Variants in LAMA4 observed in about 807,000 individuals in gnomAD.
The protein encoded by LAMA4 is laminin subunit alpha-4.
LAMA4 carries 127 observed loss-of-function variants against 207.1 expected under a neutral mutation model. The observed-to-expected ratio is 0.61, with a 90% CI of 0.53 to 0.71. LAMA4 has a LOEUF of 0.71. LAMA4 is among the 30% of genes least tolerant of loss of function. The pLI is 0.00. For synonymous variants in LAMA4, 761 were observed against 816.0 expected (o/e 0.93, Z 1.15); for missense variants, 2,093 against 2,246.5 (o/e 0.93, Z 1.38).
At position 112,155,578 on chromosome 6, in the gene LAMA4, T is replaced by C. The variant is rs782731240; in HGVS notation, c.1946A>G (p.Asp649Gly). The change falls in exon 15 of 39, where the codon GAC becomes GGC. Residue 649 changes from aspartate (D) to glycine (G), a missense_variant. Coordinates refer to ENST00000230538, the MANE Select transcript of LAMA4 (RefSeq NM_001105206.3). ...ETAEFALNTT[D>G]RIYDAVSGID... ...GGGAATACTCACATCATAAATTCGG[T>C]CAGTGGTGTTCAAAGCAAATTCTGC... 4 of 1,614,148 alleles carry C rather than the reference T, an allele frequency of 2.5e-6. No individual in the cohort carries two copies. The highest frequency in any genetic ancestry group is 3.4e-6 in the Non-Finnish European group (4 of 1,180,004).
At chr6:112,140,295 G>A (rs569949565) in intron 22 of LAMA4, among the ~76,000 whole-genome samples, 3 of 152,010 alleles carry the variant, frequency 2.0e-5, no homozygotes, top group South Asian at 2.1e-4. Context: ...CATCTTCTTC[G>A]ACCTTTCCTT....
Position 112,172,742 on chromosome 6 carries a change from C to T in LAMA4, c.1420G>A (p.Val474Ile), listed in dbSNP as rs375981026. The T allele has an allele frequency of 3.1e-5, 50 of 1,613,882 alleles. No homozygotes were observed. Among genetic ancestry groups the T allele is most frequent in the African/African-American group, 9.3e-5 (7 of 74,900 alleles). ...HNETRTLFPV[V>I]LEQLDDYNAK... is the part of the protein sequence containing the mutation. ...TTGTAGTCATCCAGCTGCTCCAGGACGACAGGAAACAGAGTGCGGGTCTCA... is the reference window on the plus strand; with the variant it reads ...TTGTAGTCATCCAGCTGCTCCAGGATGACAGGAAACAGAGTGCGGGTCTCA... The change falls in exon 12 of 39, where the codon GTC (valine) becomes ATC (isoleucine). Residue 474 changes from valine to isoleucine, a missense_variant. Val to Ile is a conservative substitution (Grantham distance 29). Around this residue, in one of 3 missense-constraint regions of LAMA4, gnomAD observed 1,704 missense variants for 1,788.4 expected, o/e 0.95. Transcript: ENST00000230538.
At position 112,172,575 on chromosome 6, in the gene LAMA4, A is replaced by G. The variant is rs1241119071; in HGVS notation, c.1551+36T>C. Reference sequence around the variant, plus strand: ...TTCTTGGTGTACCATCACACTGCTGATGCTGAAATGCATTGATGGTGAGTG... The same window carrying G: ...TTCTTGGTGTACCATCACACTGCTGGTGCTGAAATGCATTGATGGTGAGTG... On this transcript the variant is annotated intron_variant, in intron 12 of 38. Transcript: ENST00000230538. 3.1e-6 allele frequency: 5 copies of G among 1,600,218 alleles called. No homozygotes were observed. In the African/African-American group the frequency reaches 6.7e-5, roughly 21 times the overall value.
At chr6:112,167,107 G>A (rs1781424461) in intron 12 of LAMA4, among the ~76,000 whole-genome samples, 1 of 152,206 alleles carries the variant, frequency 6.6e-6, no homozygotes, top group African/African-American at 2.4e-5. Context: ...ATTGCTAGTT[G>A]TATGGCTACT....
intron 5 of LAMA4, among the ~76,000 whole-genome samples, chr6:112,198,025 C>T (rs1783521123): frequency 1.3e-5 from 2 of 152,206 alleles, no homozygotes; most frequent in South Asian, 4.1e-4. Flanking sequence ...TTTCCAAGGA[C>T]AACCAAGGTT....
chr6:112,160,433 G>A (rs781999026), intron 13 of LAMA4, among the ~76,000 whole-genome samples: 19 of 146,444 alleles, frequency 1.3e-4, no homozygotes, highest in Admixed American at 2.7e-4. Flanking sequence ...AGTATCTCCC[G>A]TCAAAAAACA....
At chr6:112,124,730 A>G (rs2114612822) in intron 31 of LAMA4, among the ~76,000 whole-genome samples, 1 of 151,844 alleles carries the variant, frequency 6.6e-6, no homozygotes, top group East Asian at 1.9e-4. Flanking sequence ...AGAAAAAGAC[A>G]GCAATGTGTT....
chr6:112,224,252 T>A (rs1785078488), intron 2 of LAMA4, among the ~76,000 whole-genome samples: 1 of 152,090 alleles, frequency 6.6e-6, no homozygotes, highest in Admixed American at 6.6e-5. Context: ...TCCAAGAATA[T>A]CCTCCCTCCC....
At chr6:112,239,366 T>G (rs993090093) in intron 2 of LAMA4, among the ~76,000 whole-genome samples, 4 of 151,808 alleles carry the variant, frequency 2.6e-5, no homozygotes, top group Non-Finnish European at 5.9e-5. Flanking sequence ...GAGTATTTTT[T>G]ATGGCATTTT....
At position 112,154,945 on chromosome 6, in the gene LAMA4, C is replaced by T. The variant is rs140246538; in HGVS notation, c.1962G>A (p.Ala654=). Reference sequence around the variant, plus strand: ...TGATTTGAGTATCAATCCCACTCACCGCCTACAAAGGAATTGAGAGAAGAG... The same window carrying T: ...TGATTTGAGTATCAATCCCACTCACTGCCTACAAAGGAATTGAGAGAAGAG... ...ALNTTDRIYD[A]VSGIDTQIIY... Residue 654 remains alanine (A), a splice_region_variant and synonymous_variant, in exon 16 of 39, where the codon GCG becomes GCA. Transcript: ENST00000230538. 2.0e-4 allele frequency: 322 copies of T among 1,603,824 alleles called. No individual in the cohort carries two copies. The highest frequency in any genetic ancestry group is 2.5e-4 in the Non-Finnish European group (293 of 1,170,966).
intron 2 of LAMA4, chr6:112,236,368 G>A (rs12206921): frequency 0.26 from 38,950 of 152,068 alleles, 5,915 homozygotes; most frequent in Admixed American, 0.43. Context: ...AATAACCTCC[G>A]GACTGCCTGG....
chr6:112,208,593 T>C (rs2115030234), intron 3 of LAMA4, among the ~76,000 whole-genome samples: 1 of 152,314 alleles, frequency 6.6e-6, no homozygotes, highest in Admixed American at 6.5e-5. Flanking sequence ...ACTTGTTAGT[T>C]TCCATATTAT....
At chr6:112,204,234 A>C (rs1783923940) in intron 4 of LAMA4, among the ~76,000 whole-genome samples, 1 of 152,302 alleles carries the variant, frequency 6.6e-6, no homozygotes, top group East Asian at 1.9e-4. Context: ...ACTGGCACAT[A>C]ATAAGTACTG....
Position 112,139,646 on chromosome 6 carries a change from G to T in LAMA4, c.3110+106C>A, listed in dbSNP as rs1258151430. ...TATGACTTATGTAGTTTCAAAACTGGCTTCCCCAAAGAAAAGTTTGAGAAC... is the reference window on the plus strand; with the variant it reads ...TATGACTTATGTAGTTTCAAAACTGTCTTCCCCAAAGAAAAGTTTGAGAAC... On this transcript the variant is annotated intron_variant, in intron 23 of 38. Coordinates refer to ENST00000230538, the MANE Select transcript of LAMA4 (RefSeq NM_001105206.3). 2.2e-6 allele frequency: 3 copies of T among 1,361,888 alleles called. No homozygotes were observed. In the African/African-American group the frequency reaches 4.3e-5, roughly 19 times the overall value. The allele number at this position is 1,361,888 out of a possible 1,614,324, so 84.4% of individuals were successfully genotyped here.
At chr6:112,153,138 T>A (rs1415992579) in intron 16 of LAMA4, among the ~76,000 whole-genome samples, 1 of 152,096 alleles carries the variant, frequency 6.6e-6, no homozygotes, top group Non-Finnish European at 1.5e-5. Flanking sequence ...CCTGAGATTA[T>A]ATTGACTATC....
chr6:112,185,412 A>C, intron 8 of LAMA4, 65 bp from the exon 9 acceptor site: 1 of 943,436 alleles, frequency 1.1e-6, no homozygotes, highest in Non-Finnish European at 1.8e-6. Flanking sequence ...TGTACATAAA[A>C]CTCTTTCAGT....
intron 37 of LAMA4, 81 bp from the exon 38 acceptor site, chr6:112,114,276 A>C (rs1206384720): frequency 5.0e-6 from 7 of 1,405,840 alleles, no homozygotes; most frequent in Non-Finnish European, 7.1e-6. Context: ...TTATCACAGC[A>C]ATTGCTTTTA....
rs1216719074 is a variant in LAMA4, at chr6:112,118,445, A to G, written c.4822-547T>C. 6.6e-6 allele frequency among the ~76,000 whole-genome samples: 1 copy of G among 152,212 alleles called. No homozygotes were observed. Among genetic ancestry groups the G allele is most frequent in the Non-Finnish European group, 1.5e-5 (1 of 68,030 alleles). The stretch of plus-strand genomic sequence containing the variant: ...GATTGCCATGGAATTGGGGCTGCTT[A>G]TCTAAAATCTAATTATAATGTAAAC... On this transcript the variant is annotated intron_variant, in intron 34 of 38. Transcript: ENST00000230538. This position sits in a 1 kb window ranked among gnomAD's most constrained non-coding sequence, Gnocchi z 4.6.
At chr6:112,165,522 G>A (rs929695799) in intron 12 of LAMA4, among the ~76,000 whole-genome samples, 6 of 152,142 alleles carry the variant, frequency 3.9e-5, no homozygotes, top group South Asian at 2.1e-4. Flanking sequence ...TTATAACACC[G>A]TCATTTCAAA....
Sources: allele counts gnomAD v4.1 joint callset (sites outside exome capture counted in the v4.1 genomes callset), GRCh38; gene constraint gnomAD v4.1.1; regional missense constraint gnomAD v4.1.1; non-coding constraint Gnocchi (gnomAD v3.1); transcripts MANE v1.5; gene names NCBI Gene and HGNC (gene_info 2026-07-23, HGNC 2026-07-21).